The following NFIB variants were observed in gnomAD, a reference collection of about 807,000 sequenced individuals.
NFIB encodes the protein nuclear factor 1 B-type.
In NFIB, 11 loss-of-function variants were observed where a neutral mutation model predicts 61.5. That is an observed-to-expected ratio of 0.18 (90% confidence interval 0.11 to 0.30). NFIB has a LOEUF of 0.30. Among genes scored for constraint, NFIB ranks in the 10% least tolerant of loss-of-function variants. The probability of loss-of-function intolerance (pLI) is 1.00; values close to 1 mark genes in which losing one functional copy is unlikely to be tolerated. For missense variants in NFIB, 471 were observed against 608.9 expected, an observed-to-expected ratio of 0.77 and a Z score of 2.38; for synonymous variants, 260 against 216.5, an observed-to-expected ratio of 1.20 and a Z score of -1.76.
chr9:14,457,743 A>G, the NFIB span, among the ~76,000 whole-genome samples: 1 of 152,212 alleles, frequency 6.6e-6, no homozygotes, highest in South Asian at 2.1e-4. Context: ...AAACACCTCT[A>G]TGCAAATAAA....
At chr9:14,298,912 C>G (rs967533970) in intron 2 of NFIB, among the ~76,000 whole-genome samples, 5 of 152,196 alleles carry the variant, frequency 3.3e-5, no homozygotes, top group African/African-American at 1.2e-4. Flanking sequence ...TAGCAGGGTT[C>G]CTGACACCAA....
chr9:14,405,182 T>C, the NFIB span, among the ~76,000 whole-genome samples: 1 of 152,344 alleles, frequency 6.6e-6, no homozygotes, highest in South Asian at 2.1e-4. Flanking sequence ...ATGCCCAGTC[T>C]AACCTTGAAG....
intron 2 of NFIB, among the ~76,000 whole-genome samples, chr9:14,291,129 A>G (rs1242139849): frequency 6.6e-6 from 1 of 152,114 alleles, no homozygotes; most frequent in Non-Finnish European, 1.5e-5. Flanking sequence ...GTCTCTTGAT[A>G]TACATAAGCA....
chr9:14,399,097 A>G (rs1489509845), upstream of NFIB: 3 of 188,606 alleles, frequency 1.6e-5, no homozygotes, highest in African/African-American at 2.3e-5. Flanking sequence ...AACACATAAA[A>G]AAGAACACAA....
At chr9:14,220,524 C>T (rs1282896642) in intron 2 of NFIB, among the ~76,000 whole-genome samples, 4 of 152,132 alleles carry the variant, frequency 2.6e-5, no homozygotes, top group African/African-American at 7.2e-5. Flanking sequence ...CACCAAGAAA[C>T]CAGGAGCCCC....
intron 2 of NFIB, among the ~76,000 whole-genome samples, chr9:14,293,007 T>C (rs2059201209): frequency 6.6e-6 from 1 of 152,192 alleles, no homozygotes; most frequent in South Asian, 2.1e-4. Flanking sequence ...TCATTCCTTC[T>C]AAAAGGATTA....
intron 2 of NFIB, among the ~76,000 whole-genome samples, chr9:14,277,112 TGAG>T (rs991776640): frequency 5.3e-5 from 8 of 152,200 alleles, no homozygotes; most frequent in African/African-American, 1.9e-4. Context: ...TGTTGTATTT[TGAG>T]GAGATTTTTT....
chr9:14,531,620 A>C, the NFIB span, among the ~76,000 whole-genome samples: 2 of 151,560 alleles, frequency 1.3e-5, no homozygotes, highest in African/African-American at 4.9e-5. Flanking sequence ...TCCCCTACTG[A>C]CTGCCCCACC....
chr9:14,337,484 C>T (rs1287962568), intron 1 of NFIB, among the ~76,000 whole-genome samples: 1 of 152,138 alleles, frequency 6.6e-6, no homozygotes, highest in Non-Finnish European at 1.5e-5. Flanking sequence ...GGGTGCGGAC[C>T]TGGCAATGTT....
chr9:14,276,197 T>C (rs957753237), intron 2 of NFIB, among the ~76,000 whole-genome samples: 2 of 152,138 alleles, frequency 1.3e-5, no homozygotes, highest in Non-Finnish European at 2.9e-5. Context: ...TAAAATGCAG[T>C]GGAAAAACAG....
intron 1 of NFIB, among the ~76,000 whole-genome samples, chr9:14,336,275 C>G (rs777850330): frequency 6.6e-6 from 1 of 152,194 alleles, no homozygotes; most frequent in East Asian, 1.9e-4. Flanking sequence ...TCCCTTGGGC[C>G]TAAAAGTCAT....
chr9:14,141,609 C>A (rs73642096), intron 6 of NFIB, among the ~76,000 whole-genome samples: 27,898 of 151,924 alleles, frequency 0.18, 2,869 homozygotes, highest in South Asian at 0.34. Flanking sequence ...TATTTGTGTA[C>A]CCAATGCCTA....
intron 1 of NFIB, among the ~76,000 whole-genome samples, chr9:14,322,603 G>C (rs1465404161): frequency 1.3e-5 from 2 of 151,678 alleles, no homozygotes; most frequent in African/African-American, 2.4e-5. Flanking sequence ...TACCACGGCC[G>C]GCCTGGGCGC....
At chr9:14,113,606 A>G (rs996236040) in intron 9 of NFIB, among the ~76,000 whole-genome samples, 19 of 152,230 alleles carry the variant, frequency 1.2e-4, no homozygotes, top group African/African-American at 3.9e-4. Context: ...AAATCTTACT[A>G]TCATGAAGGA....
intron 2 of NFIB, among the ~76,000 whole-genome samples, chr9:14,295,794 G>A (rs1357924396): frequency 6.6e-6 from 1 of 152,194 alleles, no homozygotes; most frequent in African/African-American, 2.4e-5. Context: ...TTGGAGTGCA[G>A]TGAATTACGA....
At chr9:14,324,119 T>G (rs1281480132) in intron 1 of NFIB, among the ~76,000 whole-genome samples, 1 of 152,172 alleles carries the variant, frequency 6.6e-6, no homozygotes, top group Non-Finnish European at 1.5e-5. Context: ...CAAGGAAAAT[T>G]AATTTTTAAT....
chr9:14,245,105 T>G (rs2054767400), intron 2 of NFIB, among the ~76,000 whole-genome samples: 1 of 152,178 alleles, frequency 6.6e-6, no homozygotes, highest in Non-Finnish European at 1.5e-5. Context: ...GACCTGTATT[T>G]TCATTTGCCT....
Position 14,285,307 on chromosome 9 carries a change from G to C in NFIB, c.562+21682C>G, listed in dbSNP as rs542662285. ...CTGGCTAATTTTTGTATTTTTAGTAGAGACAGGGTTTCACCATGTCGGCCA... is the reference window on the plus strand; with the variant it reads ...CTGGCTAATTTTTGTATTTTTAGTACAGACAGGGTTTCACCATGTCGGCCA... On this transcript the variant is annotated intron_variant, in intron 2 of 10. Coordinates refer to ENST00000380953, the MANE Select transcript of NFIB (RefSeq NM_001190737.2). Among the ~76,000 whole-genome samples the C allele has an allele frequency of 5.9e-5, 9 of 152,234 alleles. No individual in the cohort carries two copies. In the South Asian group the frequency reaches 1.7e-3, roughly 28 times the overall value.
chr9:14,398,479 C>T, intron 1 of NFIB: 1 of 1,382,074 alleles, frequency 7.2e-7, no homozygotes, highest in Non-Finnish European at 9.9e-7. Context: ...AAGTTGGGAC[C>T]TATTTGAAAG....
Sources: allele counts gnomAD v4.1 joint callset (sites outside exome capture counted in the v4.1 genomes callset), GRCh38; gene constraint gnomAD v4.1.1; transcripts MANE v1.5; gene names NCBI Gene and HGNC (gene_info 2026-07-23, HGNC 2026-07-21).